The following TAFA2 variants were observed in gnomAD, a reference collection of about 807,000 sequenced individuals.
The protein encoded by TAFA2 is chemokine-like protein TAFA-2.
A neutral mutation model predicts 18.8 loss-of-function variants in TAFA2; 7 were observed. The ratio of observed to expected loss-of-function variants is 0.37; its 90% CI spans 0.21 to 0.70. TAFA2 has a LOEUF of 0.70. Ranked by LOEUF, TAFA2 falls within the 30% of genes least tolerant of loss-of-function variation. The pLI is 0.53. For missense variants in TAFA2, 122 were observed against 158.1 expected, an observed-to-expected ratio of 0.77 and a Z score of 1.23; for synonymous variants, 60 against 54.2, an observed-to-expected ratio of 1.11 and a Z score of -0.47.
chr12:61,776,697 T>C (rs1565630168), intron 2 of TAFA2, among the ~76,000 whole-genome samples: 1 of 151,912 alleles, frequency 6.6e-6, no homozygotes, highest in Non-Finnish European at 1.5e-5. Flanking sequence ...AGCTCCCTTC[T>C]GGTTCTAAAT....
upstream of TAFA2, among the ~76,000 whole-genome samples, chr12:62,196,040 T>C (rs566086555): frequency 1.3e-5 from 2 of 152,350 alleles, no homozygotes; most frequent in African/African-American, 4.8e-5. Flanking sequence ...TTGCTGCAGC[T>C]TCTACCTAAG....
chr12:62,226,232 C>A (rs555664859), intron 1 of TAFA2, among the ~76,000 whole-genome samples: 2 of 150,812 alleles, frequency 1.3e-5, no homozygotes, highest in African/African-American at 4.9e-5. Flanking sequence ...CTCGCTCTGC[C>A]GCCCAGGCTG....
chr12:61,827,634 A>C (rs1343161924), intron 2 of TAFA2, among the ~76,000 whole-genome samples: 2 of 152,064 alleles, frequency 1.3e-5, no homozygotes, highest in Non-Finnish European at 2.9e-5. Flanking sequence ...ATAAAGTAAA[A>C]CATGTTTAGA....
At chr12:62,051,628 G>T (rs939763101) in intron 1 of TAFA2, among the ~76,000 whole-genome samples, 1 of 151,744 alleles carries the variant, frequency 6.6e-6, no homozygotes, top group Non-Finnish European at 1.5e-5. Context: ...CCCACAGTGA[G>T]CCAGGCACTA....
At chr12:62,101,776 A>C (rs1462645189) in intron 1 of TAFA2, among the ~76,000 whole-genome samples, 1 of 152,210 alleles carries the variant, frequency 6.6e-6, no homozygotes, top group African/African-American at 2.4e-5. Context: ...ATGGTATAGC[A>C]CTAGCCAATG....
rs140643789 is a variant in TAFA2 at position 62,133,525 on chromosome 12, C to A, written c.-2+57734G>T. 2.6e-5 allele frequency among the ~76,000 whole-genome samples: 4 copies of A among 152,134 alleles called. No individual in the cohort carries two copies. The East Asian group carries it at 7.7e-4, about 29-fold the overall frequency. Reference sequence around the variant, plus strand: ...GAAAAAAAAATAGAGAGGGAGATTTCCTCAATCATCCCAGAAACCTTATCT... The same window carrying A: ...GAAAAAAAAATAGAGAGGGAGATTTACTCAATCATCCCAGAAACCTTATCT... On this transcript the variant is annotated intron_variant, in intron 1 of 4. Transcript: ENST00000416284.
Position 62,192,069 on chromosome 12 carries a change from C to G in TAFA2, c.-812G>C, listed in dbSNP as rs1345163720. 6.6e-6 allele frequency: 1 copy of G among 152,556 alleles called. No individual in the cohort carries two copies. Among genetic ancestry groups the G allele is most frequent in the Non-Finnish European group, 1.5e-5 (1 of 68,376 alleles). The allele number at this position is 152,556 out of a possible 1,614,324, so 9.5% of individuals were successfully genotyped here. On this transcript the variant is annotated 5_prime_UTR_variant, in exon 1 of 5. Transcript: ENST00000416284. ...CCCCCTCCAGACGCCCGCGTTCCTC[C>G]GTCCAGGTGCCCCTGTTCCCACTGC... is the stretch of plus-strand genomic sequence containing the variant.
chr12:61,798,965 T>G (rs1207085720), intron 2 of TAFA2, among the ~76,000 whole-genome samples: 2 of 152,198 alleles, frequency 1.3e-5, no homozygotes, highest in Non-Finnish European at 2.9e-5. Flanking sequence ...GCCAATAGTT[T>G]GAACTCAGCA....
At chr12:61,727,425 T>C (rs1347708363) in intron 4 of TAFA2, among the ~76,000 whole-genome samples, 1 of 151,930 alleles carries the variant, frequency 6.6e-6, no homozygotes. Flanking sequence ...AGAGTTTCTA[T>C]TTCTTTCTGG....
chr12:61,873,540 C>A (rs978444388), intron 1 of TAFA2, among the ~76,000 whole-genome samples: 8 of 151,772 alleles, frequency 5.3e-5, no homozygotes, highest in African/African-American at 1.9e-4. Context: ...CAAATGAGGT[C>A]AAAAAATAAG....
At chr12:61,947,803 GA>G (rs1878332135) in intron 1 of TAFA2, among the ~76,000 whole-genome samples, 1 of 152,144 alleles carries the variant, frequency 6.6e-6, no homozygotes, top group Non-Finnish European at 1.5e-5. Flanking sequence ...TTCCTACACT[GA>G]AGCAAGGGTG....
chr12:62,104,746 G>A, intron 1 of TAFA2: 1 of 455,200 alleles, frequency 2.2e-6, no homozygotes, highest in South Asian at 1.6e-5. Flanking sequence ...AAATTTACCT[G>A]GTAATCGGGG....
chr12:62,146,867 AT>A (rs1000342553), intron 1 of TAFA2, among the ~76,000 whole-genome samples: 14 of 152,184 alleles, frequency 9.2e-5, no homozygotes, highest in African/African-American at 3.4e-4. Flanking sequence ...CTTTAAAACT[AT>A]TTGTTTGTAT....
chr12:62,147,125 T>G (rs911039894), intron 1 of TAFA2, among the ~76,000 whole-genome samples: 1 of 150,538 alleles, frequency 6.6e-6, no homozygotes, highest in African/African-American at 2.5e-5. Flanking sequence ...CACAGAAGAC[T>G]GAAACTAGAT....
In TAFA2 at chr12:62,176,482, A is replaced by C. The variant is rs2062514568; in HGVS notation, c.-2+14777T>G. On this transcript the variant is annotated intron_variant, in intron 1 of 4. Transcript: ENST00000416284. ...TTTCAGAAGGTAAATGTAATCGTAC[A>C]TTTTGGCCTGAGTTTAAATTCCAGA... is the stretch of plus-strand genomic sequence containing the variant. Among the ~76,000 whole-genome samples the C allele has an allele frequency of 2.6e-5, 4 of 152,258 alleles. No homozygotes were observed. The South Asian group carries it at 8.3e-4, about 32-fold the overall frequency.
Position 62,031,172 on chromosome 12 carries a change from T to G in TAFA2, c.-2+160087A>C, listed in dbSNP as rs368533334. Among the ~76,000 whole-genome samples, 3 of 152,054 alleles carry G rather than the reference T, an allele frequency of 2.0e-5. No individual in the cohort carries two copies. In the East Asian group the frequency reaches 5.8e-4, roughly 29 times the overall value. ...TTGATCCTGGGTGTGTCTGTGAGGG[T>G]GTTCCCAAAGGAGATTAACATCTGA... is the stretch of plus-strand genomic sequence containing the variant. On this transcript the variant is annotated intron_variant, in intron 1 of 4. Coordinates refer to ENST00000416284, the MANE Select transcript of TAFA2 (RefSeq NM_178539.5).
intron 1 of TAFA2, among the ~76,000 whole-genome samples, chr12:62,152,339 C>T (rs1336287318): frequency 6.6e-6 from 1 of 152,166 alleles, no homozygotes. Context: ...AGAAAACCCC[C>T]AGGAAGATAA....
At chr12:62,003,264 C>T (rs957997646) in intron 1 of TAFA2, among the ~76,000 whole-genome samples, 35 of 152,090 alleles carry the variant, frequency 2.3e-4, no homozygotes, top group African/African-American at 3.4e-4. Flanking sequence ...CAGAGAAAAA[C>T]CAAAGTCCAA....
intron 4 of TAFA2, among the ~76,000 whole-genome samples, chr12:61,722,605 C>G (rs1869957494): frequency 6.6e-6 from 1 of 151,874 alleles, no homozygotes; most frequent in African/African-American, 2.4e-5. Flanking sequence ...AGAAATACAT[C>G]ATCTACACAT....
Sources: allele counts gnomAD v4.1 joint callset (sites outside exome capture counted in the v4.1 genomes callset), GRCh38; gene constraint gnomAD v4.1.1; transcripts MANE v1.5; gene names NCBI Gene and HGNC (gene_info 2026-07-23, HGNC 2026-07-21).